The following CYLC2 variants were observed in gnomAD, a reference collection of about 807,000 sequenced individuals.
CYLC2 encodes the protein cylicin 2.
In CYLC2, 30 loss-of-function variants were observed where a neutral mutation model predicts 26.1. The observed-to-expected ratio is 1.15, with a 90% CI of 0.86 to 1.56. The LOEUF is 1.56. Ranked by LOEUF, CYLC2 falls within the 40% of genes most tolerant of loss-of-function variation. The pLI is 0.00. For synonymous variants in CYLC2, 158 were observed against 132.8 expected (o/e 1.19, Z -1.31); for missense variants, 498 against 394.4 (o/e 1.26, Z -2.23).
At position 103,002,936 on chromosome 9, in the gene CYLC2, C is replaced by T. The variant is rs2298047; in HGVS notation, c.59-206C>T. On this transcript the variant is annotated intron_variant, in intron 2 of 7. Coordinates refer to ENST00000374798, the MANE Select transcript of CYLC2 (RefSeq NM_001340.5). The stretch of plus-strand genomic sequence containing the variant: ...TTTTGCAATGACTACTTTATACAGT[C>T]ATCTGTAAAACTGCTCAAAATAGAA... Among the ~76,000 whole-genome samples the T allele has an allele frequency of 0.011, 1,678 of 152,224 alleles. 104 individuals carry two copies. The East Asian group carries it at 0.2, about 18-fold the overall frequency.
intron 6 of CYLC2, among the ~76,000 whole-genome samples, chr9:103,016,603 A>C (rs10990437): frequency 0.66 from 100,424 of 151,822 alleles, 33,482 homozygotes; most frequent in South Asian, 0.82. Flanking sequence ...AATCTCTATC[A>C]GTGACCTATT....
At position 103,005,255 on chromosome 9, in the gene CYLC2, T is replaced by A. The variant is rs752827757; in HGVS notation, c.624T>A (p.Gly208=). Residue 208 remains glycine (G), a synonymous_variant, in exon 5 of 8, where the codon GGT becomes GGA. Coordinates refer to ENST00000374798, the MANE Select transcript of CYLC2 (RefSeq NM_001340.5). The stretch of plus-strand genomic sequence containing the variant: ...AAGACTCGGCAACAGAATCTGAAGG[T>A]GAAAAAGGAGGTACAGAGAAAGATA... ...KGKDSATESE[G]EKGGTEKDSK... 4.3e-6 allele frequency: 7 copies of A among 1,610,298 alleles called. 1 individual carries two copies. In the South Asian group the frequency reaches 7.7e-5, roughly 18 times the overall value.
At chr9:103,001,504 G>A in intron 1 of CYLC2, 74 bp from the exon 2 acceptor site, 1 of 842,010 alleles carries the variant, frequency 1.2e-6, no homozygotes, top group Non-Finnish European at 1.9e-6. Flanking sequence ...GCAGGTACTG[G>A]AGTAAAATAA....
At chr9:103,015,947 C>A (rs1157091942) in intron 6 of CYLC2, among the ~76,000 whole-genome samples, 1 of 149,476 alleles carries the variant, frequency 6.7e-6, no homozygotes, top group Non-Finnish European at 1.5e-5. Context: ...ATATATATAT[C>A]TAATTGTATA....
intron 2 of CYLC2, among the ~76,000 whole-genome samples, chr9:103,002,521 A>G (rs1201989844): frequency 6.6e-6 from 1 of 151,488 alleles, no homozygotes; most frequent in Non-Finnish European, 1.5e-5. Context: ...GCCTGCCACC[A>G]CACCTGGTTT....
intron 1 of CYLC2, among the ~76,000 whole-genome samples, chr9:102,996,966 A>C (rs1338960443): frequency 1.3e-5 from 2 of 151,866 alleles, no homozygotes; most frequent in Non-Finnish European, 2.9e-5. Context: ...TTATCACAAA[A>C]ATTTGGTGTG....
intron 6 of CYLC2, among the ~76,000 whole-genome samples, chr9:103,016,389 C>T (rs1208322341): frequency 6.6e-6 from 1 of 151,972 alleles, no homozygotes; most frequent in Non-Finnish European, 1.5e-5. Context: ...TAGCACATTG[C>T]CATGGAAGAT....
In CYLC2 at chr9:103,013,168, A is replaced by G. The variant is rs953440405; in HGVS notation, c.*816+1071A>G. On this transcript the variant is annotated intron_variant, in intron 6 of 7. Coordinates refer to ENST00000374798, the MANE Select transcript of CYLC2 (RefSeq NM_001340.5). ...TATCATATATAAATATATATTATAT[A>G]AATATATATTTAATATATTATATAT... Among the ~76,000 whole-genome samples, 652 of 135,424 alleles carry G rather than the reference A, an allele frequency of 4.8e-3. 7 individuals are homozygous for G. Among genetic ancestry groups the G allele is most frequent in the African/African-American group, 0.016 (573 of 36,886 alleles). 88.8% of individuals were successfully genotyped at this position (135,424 alleles called of 152,430 possible).
At chr9:103,013,676 T>G (rs1271537152) in intron 6 of CYLC2, among the ~76,000 whole-genome samples, 2 of 111,094 alleles carry the variant, frequency 1.8e-5, no homozygotes, top group East Asian at 2.9e-4. Context: ...TTAAATAATA[T>G]ATATGATATA....
chr9:103,005,094 C>A lies in CYLC2; in HGVS notation c.463C>A (p.Leu155Ile). The change falls in exon 5 of 8, where the codon CTA (leucine) becomes ATA (isoleucine). Residue 155 changes from leucine (L) to isoleucine (I), a missense_variant. Coordinates refer to ENST00000374798, the MANE Select transcript of CYLC2 (RefSeq NM_001340.5). ...TATAGAGAAAGGAAAAGAAGAAAAG[C>A]TAGATGCAAAGAAAGATAGCAAAAA... The part of the protein sequence containing the change: ...KDIEKGKEEK[L>I]DAKKDSKKGK... The A allele has an allele frequency of 3.1e-6, 5 of 1,605,912 alleles. No homozygotes were observed. The highest frequency in any genetic ancestry group is 4.2e-6 in the Non-Finnish European group (5 of 1,176,844).
Position 102,996,751 on chromosome 9 carries a change from T to G in CYLC2, c.17+1354T>G, listed in dbSNP as rs142398819. On this transcript the variant is annotated intron_variant, in intron 1 of 7. Transcript: ENST00000374798. The stretch of plus-strand genomic sequence containing the variant: ...GTGCCTATGGCTATCAACTTGTATG[T>G]GATAAAGAAAATTTTTCTGTTTGAA... 5.8e-3 allele frequency among the ~76,000 whole-genome samples: 887 copies of G among 152,098 alleles called. 10 individuals are homozygous for G. Among genetic ancestry groups the G allele is most frequent in the African/African-American group, 0.02 (846 of 41,542 alleles).
chr9:103,010,900 T>A (rs1829400418), intron 5 of CYLC2: 1 of 151,942 alleles, frequency 6.6e-6, no homozygotes, highest in Non-Finnish European at 1.5e-5. Context: ...ATGCATAGAA[T>A]CCTAGATCAA....
intron 6 of CYLC2, among the ~76,000 whole-genome samples, chr9:103,016,312 A>T (rs1217630543): frequency 6.6e-6 from 1 of 152,024 alleles, no homozygotes; most frequent in African/African-American, 2.4e-5. Flanking sequence ...CAGAGAAAGC[A>T]GCAGTCACTG....
At chr9:103,003,065 C>G (rs547087120) in intron 2 of CYLC2, 77 bp from the exon 3 acceptor site, 2 of 1,537,996 alleles carry the variant, frequency 1.3e-6, no homozygotes, top group Non-Finnish European at 1.8e-6. Context: ...ACATGATATA[C>G]GTTGCACGTA....
In CYLC2 at chr9:103,004,723, A is replaced by G; in HGVS notation, c.209A>G (p.Asp70Gly). 6.2e-7 allele frequency: 1 copy of G among 1,601,842 alleles called. No individual in the cohort carries two copies. The highest frequency in any genetic ancestry group is 8.5e-7 in the Non-Finnish European group (1 of 1,176,162). ...SIIDEEQLRG[D>G]RRQPLWMYRS... The stretch of plus-strand genomic sequence containing the variant: ...ATTGATGAAGAACAATTAAGAGGAG[A>G]TCGTAGACAACCATTATGGATGTAC... Residue 70 changes from aspartate (D) to glycine (G), a missense_variant, in exon 4 of 8, where the codon GAT becomes GGT. Asp to Gly is a moderately conservative substitution (Grantham distance 94). Transcript: ENST00000374798.
intron 6 of CYLC2, among the ~76,000 whole-genome samples, chr9:103,016,577 G>A (rs574503675): frequency 9.2e-5 from 14 of 152,132 alleles, no homozygotes; most frequent in African/African-American, 3.1e-4. Flanking sequence ...TTTTGTGAGA[G>A]GAGCCACTAT....
rs1829444773 is a variant in CYLC2 at position 103,013,650 on chromosome 9, AT to A, written c.*816+1554del. Among the ~76,000 whole-genome samples, 11 of 112,456 alleles carry A rather than the reference AT, an allele frequency of 9.8e-5. No individual in the cohort carries two copies. The Admixed American group carries it at 1.0e-3, about 11-fold the overall frequency. 73.8% of individuals were successfully genotyped at this position (112,456 alleles called of 152,430 possible). A position where few individuals can be genotyped will look rare whatever the true frequency, so the allele number is the denominator to read the frequency against. ...TATATAGATATATATTTATATAAAA[AT>A]ATAAATATATTATATTAAATAATAT... On this transcript the variant is annotated intron_variant, in intron 6 of 7. Transcript: ENST00000374798.
At chr9:102,995,841 G>C (rs1829231826) in intron 1 of CYLC2, among the ~76,000 whole-genome samples, 2 of 151,826 alleles carry the variant, frequency 1.3e-5, no homozygotes, top group African/African-American at 4.8e-5. Context: ...AAGTGGGGCA[G>C]CTCTATCCAA....
At chr9:103,012,491 A>G (rs1278216135) in intron 6 of CYLC2, among the ~76,000 whole-genome samples, 1 of 152,028 alleles carries the variant, frequency 6.6e-6, no homozygotes, top group Non-Finnish European at 1.5e-5. Context: ...AGCCTTGTAT[A>G]TAGTTTATGA....
Sources: gnomAD v4.1 joint callset for allele counts (sites outside exome capture counted in the v4.1 genomes callset) on GRCh38, gnomAD v4.1.1 for gene constraint, MANE v1.5 for transcripts, NCBI Gene and HGNC (gene_info 2026-07-23, HGNC 2026-07-21) for gene names.